The following TNFAIP8 variants were observed in gnomAD, a reference collection of about 807,000 sequenced individuals.
TNFAIP8 encodes the protein tumor necrosis factor alpha-induced protein 8.
In TNFAIP8, 7 loss-of-function variants were observed where a neutral mutation model predicts 13.3. That is an observed-to-expected ratio of 0.52 (90% CI 0.30 to 0.99). TNFAIP8 has a LOEUF of 0.99. TNFAIP8 is among the 50% of genes least tolerant of loss of function. The pLI, the probability that TNFAIP8 is intolerant of heterozygous loss-of-function variation, is 0.07. For missense variants in TNFAIP8, 258 were observed against 236.9 expected (o/e 1.09, Z -0.58); for synonymous variants, 94 against 87.6 (o/e 1.07, Z -0.41).
chr5:119,268,911 A>C lies in TNFAIP8; in HGVS notation c.1+4A>C. On this transcript the variant is annotated splice_donor_region_variant and intron_variant, in intron 1 of 1. Transcript: ENST00000274456. ...CGCCGTCGCGCCACTCCTCCGAGTA[A>C]GTGGCTCCTGGGCGCGCCCGTCCCG... The C allele has an allele frequency of 4.3e-6, 3 of 700,148 alleles. No homozygotes were observed. The South Asian group carries it at 4.5e-5, about 10-fold the overall frequency. The allele number at this position is 700,148 out of a possible 1,614,324, so 43.4% of individuals were successfully genotyped here.
intron 1 of TNFAIP8, among the ~76,000 whole-genome samples, chr5:119,377,606 TAAG>T (rs2112830286): frequency 6.6e-6 from 1 of 152,210 alleles, no homozygotes; most frequent in African/African-American, 2.4e-5. Context: ...TCTATAGAAA[TAAG>T]GAGATTTTGG....
intron 1 of TNFAIP8, among the ~76,000 whole-genome samples, chr5:119,338,564 A>G (rs2112722423): frequency 6.6e-6 from 1 of 152,358 alleles, no homozygotes; most frequent in East Asian, 1.9e-4. Flanking sequence ...AGGCTTGAGG[A>G]AATGGGCAAA....
At chr5:119,353,793 G>T (rs758316415), upstream of TNFAIP8, among the ~76,000 whole-genome samples, 8 of 152,178 alleles carry the variant, frequency 5.3e-5, no homozygotes, top group Non-Finnish European at 1.2e-4. Flanking sequence ...TTCTTGTAAG[G>T]GTACTTTCTA....
At chr5:119,347,107 T>C (rs1337066664) in intron 1 of TNFAIP8, among the ~76,000 whole-genome samples, 1 of 152,222 alleles carries the variant, frequency 6.6e-6, no homozygotes, top group Non-Finnish European at 1.5e-5. Flanking sequence ...ATACTAGAGT[T>C]AGCTTGTCTT....
At chr5:119,291,907 A>C (rs1749000188) in intron 1 of TNFAIP8, among the ~76,000 whole-genome samples, 1 of 152,222 alleles carries the variant, frequency 6.6e-6, no homozygotes, top group Admixed American at 6.5e-5. Context: ...ATCCTTATAA[A>C]CCTTGGAGAC....
chr5:119,380,924 AT>A (rs1385761498), intron 1 of TNFAIP8, among the ~76,000 whole-genome samples: 1 of 152,196 alleles, frequency 6.6e-6, no homozygotes, highest in Non-Finnish European at 1.5e-5. Flanking sequence ...TGTGAAAAAA[AT>A]CTTGAGAGGG....
At chr5:119,333,503 G>A (rs1365358177) in intron 1 of TNFAIP8, 6 of 1,496,138 alleles carry the variant, frequency 4.0e-6, no homozygotes, top group Non-Finnish European at 5.3e-6. Context: ...TCTCCCCGAG[G>A]GTGATGCAGG....
intron 1 of TNFAIP8, among the ~76,000 whole-genome samples, chr5:119,325,144 C>G (rs1185168044): frequency 1.3e-5 from 2 of 152,092 alleles, no homozygotes; most frequent in East Asian, 3.8e-4. Context: ...CTTAATCAGT[C>G]CCCATGTGGA....
chr5:119,342,507 T>G (rs527401219), intron 1 of TNFAIP8, among the ~76,000 whole-genome samples: 1 of 152,112 alleles, frequency 6.6e-6, no homozygotes, highest in South Asian at 2.1e-4. Flanking sequence ...TGTGCTAAAT[T>G]TGCAGGGTTT....
intron 1 of TNFAIP8, among the ~76,000 whole-genome samples, chr5:119,346,718 T>C (rs1020070695): frequency 6.6e-6 from 1 of 152,204 alleles, no homozygotes; most frequent in Non-Finnish European, 1.5e-5. Context: ...TCGCTTGAAA[T>C]AGTCATTCAT....
At chr5:119,291,804 A>G (rs1220915439) in intron 1 of TNFAIP8, among the ~76,000 whole-genome samples, 1 of 152,190 alleles carries the variant, frequency 6.6e-6, no homozygotes, top group Admixed American at 6.5e-5. Flanking sequence ...AAAGTTGGAG[A>G]TTTCTTCTTT....
At chr5:119,318,206 C>CTT (rs556058609) in intron 1 of TNFAIP8, among the ~76,000 whole-genome samples, 1 of 146,554 alleles carries the variant, frequency 6.8e-6, no homozygotes. Flanking sequence ...ATTGACACTT[C>CTT]TTTTTTTTTT....
intron 1 of TNFAIP8, among the ~76,000 whole-genome samples, chr5:119,359,164 C>T (rs866491847): frequency 1.3e-5 from 2 of 152,192 alleles, no homozygotes; most frequent in African/African-American, 4.8e-5. Flanking sequence ...CCTTGGGCTC[C>T]TCCTACACCA....
chr5:119,277,473 CCT>C (rs1309805628), intron 1 of TNFAIP8, among the ~76,000 whole-genome samples: 2 of 151,804 alleles, frequency 1.3e-5, no homozygotes, highest in African/African-American at 4.8e-5. Context: ...GGCCACAGAT[CCT>C]CTCAGCTTGT....
chr5:119,381,312 T>G (rs1752475102), intron 1 of TNFAIP8, among the ~76,000 whole-genome samples: 1 of 152,142 alleles, frequency 6.6e-6, no homozygotes, highest in African/African-American at 2.4e-5. Flanking sequence ...AGGAAAAGGA[T>G]GGCAGATTGT....
At chr5:119,293,516 G>A (rs1749061910) in intron 1 of TNFAIP8, among the ~76,000 whole-genome samples, 1 of 152,128 alleles carries the variant, frequency 6.6e-6, no homozygotes, top group African/African-American at 2.4e-5. Context: ...TGTCATAAAT[G>A]ACAGGATTTC....
chr5:119,303,017 A>G (rs796402249), intron 1 of TNFAIP8, among the ~76,000 whole-genome samples: 3 of 152,102 alleles, frequency 2.0e-5, no homozygotes, highest in African/African-American at 7.2e-5. Context: ...AGGACCTTTC[A>G]TGTCTGACAC....
chr5:119,301,118 G>T lies in TNFAIP8; in HGVS notation c.1+32211G>T, dbSNP rs112300002. ...CAGCTTCCGGTCCATTCCTGGACTT[G>T]CCACCCAGTTGCATTACTTCTTATG... is the stretch of plus-strand genomic sequence containing the variant. On this transcript the variant is annotated intron_variant, in intron 1 of 1. Transcript: ENST00000274456. Among the ~76,000 whole-genome samples, 175 of 152,252 alleles carry T rather than the reference G, an allele frequency of 1.1e-3. 1 individual carries two copies. Among genetic ancestry groups the T allele is most frequent in the African/African-American group, 3.9e-3 (164 of 41,544 alleles).
At chr5:119,364,621 C>T (rs1212667543) in intron 1 of TNFAIP8, among the ~76,000 whole-genome samples, 12 of 151,930 alleles carry the variant, frequency 7.9e-5, no homozygotes, top group African/African-American at 2.7e-4. Flanking sequence ...GTGCTAGAAT[C>T]ACAGGGATGA....
Sources: allele counts gnomAD v4.1 joint callset (sites outside exome capture counted in the v4.1 genomes callset), GRCh38; gene constraint gnomAD v4.1.1; transcripts MANE v1.5; gene names NCBI Gene and HGNC (gene_info 2026-07-23, HGNC 2026-07-21).